The following ROBO1 variants were observed in gnomAD, a reference collection of about 807,000 sequenced individuals.
ROBO1 encodes the protein roundabout homolog 1.
A neutral mutation model predicts 195.9 loss-of-function variants in ROBO1; 149 were observed. The ratio of observed to expected loss-of-function variants is 0.76; its 90% CI spans 0.67 to 0.87. The LOEUF is 0.87. Ranked by LOEUF, ROBO1 falls within the 40% of genes least tolerant of loss-of-function variation. The pLI is 0.00. For missense variants in ROBO1, 1,933 were observed against 2,068.3 expected, an observed-to-expected ratio of 0.93 and a Z score of 1.27; for synonymous variants, 816 against 733.2, an observed-to-expected ratio of 1.11 and a Z score of -1.82.
At chr3:79,181,022 T>A (rs1395566872) in intron 2 of ROBO1, among the ~76,000 whole-genome samples, 1 of 152,218 alleles carries the variant, frequency 6.6e-6, no homozygotes, top group African/African-American at 2.4e-5. Flanking sequence ...AATTTATATT[T>A]GTGAAAGTGC....
At chr3:79,094,539 T>G (rs2079532456) in intron 3 of ROBO1, among the ~76,000 whole-genome samples, 1 of 152,162 alleles carries the variant, frequency 6.6e-6, no homozygotes. Context: ...AAGCTTCATC[T>G]TCCAATGAAG....
intron 2 of ROBO1, among the ~76,000 whole-genome samples, chr3:79,486,030 T>C (rs1939140643): frequency 6.6e-6 from 1 of 152,202 alleles, no homozygotes; most frequent in Non-Finnish European, 1.5e-5. Flanking sequence ...TCAATTCCAG[T>C]TCTGATGCTA....
rs866133370 is a variant in ROBO1 at position 79,672,779 on chromosome 3, T to C, written c.-50-82818A>G. On this transcript the variant is annotated intron_variant, in intron 1 of 30. Coordinates refer to ENST00000464233, the MANE Select transcript of ROBO1 (RefSeq NM_002941.4). ...TGACATGCAAGGACAGAAATCTAGT[T>C]TCTGATACTTGAATGTAATGACAAT... Among the ~76,000 whole-genome samples the C allele has an allele frequency of 3.9e-5, 6 of 151,948 alleles. No individual in the cohort carries two copies. The South Asian group carries it at 1.0e-3, about 26-fold the overall frequency.
intron 2 of ROBO1, among the ~76,000 whole-genome samples, chr3:79,373,787 A>C (rs2036286736): frequency 6.6e-6 from 1 of 152,182 alleles, no homozygotes; most frequent in African/African-American, 2.4e-5. Flanking sequence ...GAACATAGCC[A>C]TTTAAGGATC....
chr3:79,007,095 C>T (rs932347597), intron 3 of ROBO1, among the ~76,000 whole-genome samples: 1 of 151,812 alleles, frequency 6.6e-6, no homozygotes, highest in Non-Finnish European at 1.5e-5. Context: ...AACAACATAA[C>T]CAAGGGAAAT....
At chr3:79,416,940 T>C (rs2038028980) in intron 2 of ROBO1, among the ~76,000 whole-genome samples, 1 of 152,188 alleles carries the variant, frequency 6.6e-6, no homozygotes, top group South Asian at 2.1e-4. Context: ...GTTAGGCTGA[T>C]CATTCATAAT....
At chr3:79,518,585 A>G (rs943761824) in intron 2 of ROBO1, among the ~76,000 whole-genome samples, 1 of 152,208 alleles carries the variant, frequency 6.6e-6, no homozygotes, top group African/African-American at 2.4e-5. Flanking sequence ...AGAATTATGA[A>G]TGGGGAGAAG....
At chr3:79,333,790 C>T (rs922531930) in intron 2 of ROBO1, among the ~76,000 whole-genome samples, 4 of 152,118 alleles carry the variant, frequency 2.6e-5, no homozygotes, top group African/African-American at 7.2e-5. Flanking sequence ...TTACTAATGG[C>T]CTGAAAAGTT....
At chr3:78,709,191 A>G (rs1049483084) in intron 8 of ROBO1, among the ~76,000 whole-genome samples, 3 of 152,170 alleles carry the variant, frequency 2.0e-5, no homozygotes, top group African/African-American at 7.2e-5. Context: ...GCTAACTCAA[A>G]GTTAAGCAGA....
At chr3:79,102,718 C>T (rs1209542375) in intron 3 of ROBO1, among the ~76,000 whole-genome samples, 2 of 151,784 alleles carry the variant, frequency 1.3e-5, no homozygotes, top group East Asian at 1.9e-4. Flanking sequence ...GCTTGGGACT[C>T]ATTACTGAAT....
chr3:79,018,522 C>T (rs1359368588), intron 3 of ROBO1: 1 of 1,605,860 alleles, frequency 6.2e-7, no homozygotes, highest in South Asian at 1.1e-5. Flanking sequence ...AAATAGGGTC[C>T]CCAAATGTAT....
At chr3:79,008,320 A>C (rs188693809) in intron 3 of ROBO1, among the ~76,000 whole-genome samples, 42 of 152,292 alleles carry the variant, frequency 2.8e-4, no homozygotes, top group Admixed American at 2.5e-3. Flanking sequence ...CATTCCTTAA[A>C]GTGTCTAACA....
chr3:79,687,972 A>G (rs537619299), intron 1 of ROBO1, among the ~76,000 whole-genome samples: 91 of 152,174 alleles, frequency 6.0e-4, no homozygotes, highest in Non-Finnish European at 5.6e-4. Flanking sequence ...AACCAACCCA[A>G]ATGTCCAACA....
At chr3:78,606,432 C>T (rs1703460778) in intron 29 of ROBO1, among the ~76,000 whole-genome samples, 1 of 152,212 alleles carries the variant, frequency 6.6e-6, no homozygotes, top group Non-Finnish European at 1.5e-5. Flanking sequence ...TTCATTTTCA[C>T]ACATTCATGT....
At position 79,564,782 on chromosome 3, in the gene ROBO1, T is replaced by G. The variant is rs562866944; in HGVS notation, c.88+25042A>C. On this transcript the variant is annotated intron_variant, in intron 2 of 30. Transcript: ENST00000464233. ...AATACTGATAAATTAATAAACTATT[T>G]AAATGCTTCATGCTTTAGAATTTGA... Among the ~76,000 whole-genome samples the G allele has an allele frequency of 5.3e-5, 8 of 152,120 alleles. No homozygotes were observed. The South Asian group carries it at 6.2e-4, about 12-fold the overall frequency.
chr3:78,648,427 A>G (rs1351246855), intron 19 of ROBO1, among the ~76,000 whole-genome samples: 1 of 152,054 alleles, frequency 6.6e-6, no homozygotes, highest in Non-Finnish European at 1.5e-5. Flanking sequence ...AGTAGAAGCT[A>G]AACAATAGAA....
rs1355504377 is a variant in ROBO1, at chr3:78,651,948, A to G, written c.2615-19T>C. 8 of 1,605,216 alleles carry G rather than the reference A, an allele frequency of 5.0e-6. No homozygotes were observed. The highest frequency in any genetic ancestry group is 3.3e-4 in the Middle Eastern group (2 of 5,996). Reference sequence around the variant, plus strand: ...TGGGCATCTGAAAAGTCATCTTCCGATTAATTTGGGTTGAAGACTCAATGC... The same window carrying G: ...TGGGCATCTGAAAAGTCATCTTCCGGTTAATTTGGGTTGAAGACTCAATGC... On this transcript the variant is annotated intron_variant, in intron 18 of 30. Coordinates refer to ENST00000464233, the MANE Select transcript of ROBO1 (RefSeq NM_002941.4).
intron 2 of ROBO1, among the ~76,000 whole-genome samples, chr3:79,385,563 G>A (rs973848981): frequency 6.6e-6 from 1 of 152,120 alleles, no homozygotes; most frequent in African/African-American, 2.4e-5. Flanking sequence ...AAGCTTGCTG[G>A]ATAAAAATGT....
At chr3:78,839,408 C>CTTTTTTTCATTACTATGAAAAAAGAATAT (rs2033008172) in intron 4 of ROBO1, among the ~76,000 whole-genome samples, 1 of 149,940 alleles carries the variant, frequency 6.7e-6, no homozygotes, top group Non-Finnish European at 1.5e-5. Flanking sequence ...ACTGAATATT[C>CTTTTTTTCATTACTATGAAAAAAGAATAT]TTTTTTTCAT....
Sources: allele counts gnomAD v4.1 joint callset (sites outside exome capture counted in the v4.1 genomes callset), GRCh38; gene constraint gnomAD v4.1.1; transcripts MANE v1.5; gene names NCBI Gene and HGNC (gene_info 2026-07-23, HGNC 2026-07-21).